Variants in TMEM39B observed in about 807,000 individuals in gnomAD.
TMEM39B encodes the protein transmembrane protein 39B.
Under a neutral mutation model 52.2 loss-of-function variants are expected in TMEM39B, and 23 were observed. The ratio of observed to expected loss-of-function variants is 0.44; its 90% CI spans 0.32 to 0.62. The LOEUF (loss-of-function observed/expected upper bound fraction) is 0.62. TMEM39B is among the 20% of genes least tolerant of loss of function. The pLI is 0.06. For synonymous variants in TMEM39B, 285 were observed against 264.0 expected (o/e 1.08, Z -0.77); for missense variants, 547 against 642.0 (o/e 0.85, Z 1.60).
intron 5 of TMEM39B, among the ~76,000 whole-genome samples, chr1:32,089,363 C>T (rs1220471726): frequency 6.6e-6 from 1 of 151,808 alleles, no homozygotes; most frequent in Non-Finnish European, 1.5e-5. Context: ...GATCTCATGG[C>T]TCAAGCAGTT....
chr1:32,076,810 T>C lies in TMEM39B; in HGVS notation c.399T>C (p.Val133=). The change falls in exon 4 of 9, where the codon GTT becomes GTC. Residue 133 remains valine, a synonymous_variant. Transcript: ENST00000336294. Reference sequence around the variant, plus strand: ...ACTTGCTGATGGTGACCACCATCGTTCTGGGCCGCCGCTTCATTGGGTCCA... The same window carrying C: ...ACTTGCTGATGGTGACCACCATCGTCCTGGGCCGCCGCTTCATTGGGTCCA... ...DFNLLMVTTI[V]LGRRFIGSIV... is the part of the protein sequence containing the mutation. 2 of 1,614,108 alleles carry C rather than the reference T, an allele frequency of 1.2e-6. No individual in the cohort carries two copies. Among genetic ancestry groups the C allele is most frequent in the Non-Finnish European group, 1.7e-6 (2 of 1,180,008 alleles).
At chr1:32,072,284 G>A (rs1301696398), upstream of TMEM39B, 2 of 152,268 alleles carry the variant, frequency 1.3e-5, no homozygotes, top group African/African-American at 2.4e-5. Flanking sequence ...CAAACATCGT[G>A]ATGGCTAATA....
chr1:32,100,343 A>G, intron 7 of TMEM39B, 99 bp from the exon 8 acceptor site: 1 of 1,342,348 alleles, frequency 7.4e-7, no homozygotes, highest in Non-Finnish European at 9.9e-7. Context: ...AGTGATAGAA[A>G]TGGGAGTAGA....
At chr1:32,073,088 C>A in intron 1 of TMEM39B, 37 bp downstream of exon 1, 1 of 1,444,994 alleles carries the variant, frequency 6.9e-7, no homozygotes. Flanking sequence ...TGGCAACGAG[C>A]GGGCGCACGG....
At chr1:32,084,243 A>G (rs927406401) in intron 5 of TMEM39B, among the ~76,000 whole-genome samples, 2 of 151,954 alleles carry the variant, frequency 1.3e-5, no homozygotes, top group Non-Finnish European at 2.9e-5. Flanking sequence ...TGTTGCCTGG[A>G]GTCCATTTCC....
chr1:32,097,911 C>T (rs1640872575), intron 7 of TMEM39B, among the ~76,000 whole-genome samples: 1 of 152,054 alleles, frequency 6.6e-6, no homozygotes, highest in Admixed American at 6.6e-5. Flanking sequence ...AGATTACAGG[C>T]GTGAGCCACC....
At chr1:32,088,552 A>G (rs1569907658) in intron 5 of TMEM39B, among the ~76,000 whole-genome samples, 1 of 145,476 alleles carries the variant, frequency 6.9e-6, no homozygotes, top group Non-Finnish European at 1.5e-5. Flanking sequence ...TGCACTGATG[A>G]CCCTCACTCC....
At chr1:32,082,975 C>A (rs1000566352) in intron 5 of TMEM39B, among the ~76,000 whole-genome samples, 3 of 149,988 alleles carry the variant, frequency 2.0e-5, no homozygotes, top group Non-Finnish European at 4.4e-5. Context: ...GGGGTTTCAC[C>A]GTGTTAGCCA....
At chr1:32,095,403 C>T (rs141282957) in intron 7 of TMEM39B, among the ~76,000 whole-genome samples, 5 of 152,196 alleles carry the variant, frequency 3.3e-5, no homozygotes, top group African/African-American at 7.2e-5. Flanking sequence ...TTAGGCCCAG[C>T]GGAGATAGAG....
intron 5 of TMEM39B, among the ~76,000 whole-genome samples, chr1:32,080,659 A>C (rs1411406992): frequency 7.1e-6 from 1 of 140,232 alleles, no homozygotes; most frequent in East Asian, 2.1e-4. Flanking sequence ...TGGGCAACAG[A>C]GTGAGACTCT....
Position 32,074,954 on chromosome 1 carries a change from G to C in TMEM39B, c.8G>C (p.Gly3Ala). 6.4e-7 allele frequency: 1 copy of C among 1,550,940 alleles called. No individual in the cohort carries two copies. The highest frequency in any genetic ancestry group is 8.7e-7 in the Non-Finnish European group (1 of 1,146,678). ...TATTTTATGTTGAGCCCCACAGGAG[G>C]ACGAAGAGGTCCCAACAGGACATCT... MG[G>A]RRGPNRTSYC... Residue 3 changes from glycine to alanine, a missense_variant, in exon 2 of 9, where the codon GGA becomes GCA. Transcript: ENST00000336294.
chr1:32,093,082 AGTGG>A (rs1390460027), intron 6 of TMEM39B, among the ~76,000 whole-genome samples: 1 of 152,152 alleles, frequency 6.6e-6, no homozygotes, highest in African/African-American at 2.4e-5. Flanking sequence ...TGCAAGCTGC[AGTGG>A]GCTTGAGAGA....
chr1:32,072,227 A>G (rs1490123344), upstream of TMEM39B: 1 of 152,222 alleles, frequency 6.6e-6, no homozygotes, highest in Non-Finnish European at 1.5e-5. Context: ...CTTGTGAGGG[A>G]AGAATCCTAA....
intron 5 of TMEM39B, chr1:32,087,604 CAA>C (rs1397024890): frequency 6.7e-6 from 1 of 150,332 alleles, no homozygotes; most frequent in Admixed American, 6.7e-5. Context: ...ACCTGGGCGA[CAA>C]GAGTGAAACT....
chr1:32,075,681 C>T lies in TMEM39B; in HGVS notation c.210C>T (p.Pro70=), dbSNP rs1266233933. 3.8e-5 allele frequency: 59 copies of T among 1,551,710 alleles called. No homozygotes were observed. The highest frequency in any genetic ancestry group is 4.9e-5 in the East Asian group (2 of 40,916). ...TVVPLQHCKI[P]ELPVQASILF... is the part of the protein sequence containing the mutation. ...TGCCTCTACAGCACTGCAAGATCCCCGAGCTGCCAGTCCAGGCCAGCATTC... is the reference window on the plus strand; with the variant it reads ...TGCCTCTACAGCACTGCAAGATCCCTGAGCTGCCAGTCCAGGCCAGCATTC... The change falls in exon 3 of 9, where the codon CCC becomes CCT. Residue 70 remains proline, a synonymous_variant. Transcript: ENST00000336294.
In TMEM39B at chr1:32,089,333, A is replaced by T. The variant is rs148638852; in HGVS notation, c.591-2342A>T. ...TTTTTGTAGAGACAAGGGTTTCGCC[A>T]TCTTGCCCAGGCTGGTCTTGATCTC... On this transcript the variant is annotated intron_variant, in intron 5 of 8. Coordinates refer to ENST00000336294, the MANE Select transcript of TMEM39B (RefSeq NM_018056.4). 8.7e-3 allele frequency among the ~76,000 whole-genome samples: 1,329 copies of T among 151,902 alleles called. 14 individuals carry two copies. Among genetic ancestry groups the T allele is most frequent in the Non-Finnish European group, 0.012 (819 of 67,968 alleles).
intron 5 of TMEM39B, among the ~76,000 whole-genome samples, chr1:32,085,068 A>C (rs1023978787): frequency 2.0e-5 from 3 of 152,196 alleles, no homozygotes; most frequent in African/African-American, 4.8e-5. Context: ...GAAATTTCAA[A>C]GGATGTGTCT....
At chr1:32,097,554 A>T (rs1010819233) in intron 7 of TMEM39B, among the ~76,000 whole-genome samples, 2 of 151,468 alleles carry the variant, frequency 1.3e-5, no homozygotes, top group Non-Finnish European at 2.9e-5. Flanking sequence ...CTGGTCACGA[A>T]CTCCCAACCT....
At chr1:32,100,710 A>G (rs540436078) in intron 8 of TMEM39B, 148 bp downstream of exon 8, 140 of 1,110,162 alleles carry the variant, frequency 1.3e-4, no homozygotes, top group Non-Finnish European at 1.7e-4. Context: ...GCACAAGGAC[A>G]GCCATATAAA....
Sources: gnomAD v4.1 joint callset for allele counts (sites outside exome capture counted in the v4.1 genomes callset) on GRCh38, gnomAD v4.1.1 for gene constraint, MANE v1.5 for transcripts, NCBI Gene and HGNC (gene_info 2026-07-23, HGNC 2026-07-21) for gene names.